The following C12orf50 variants were observed in gnomAD, a reference collection of about 807,000 sequenced individuals.
C12orf50 encodes uncharacterized protein C12orf50.
In C12orf50, 35 loss-of-function variants were observed where a neutral mutation model predicts 61.6. That is an observed-to-expected ratio of 0.57 (90% CI 0.43 to 0.75). C12orf50 has a LOEUF of 0.75. C12orf50 is among the 30% of genes least tolerant of loss of function. The probability of loss-of-function intolerance (pLI) is 0.00; values close to 1 mark genes in which losing one functional copy is unlikely to be tolerated. For missense variants in C12orf50, 475 were observed against 488.5 expected (o/e 0.97, Z 0.26); for synonymous variants, 178 against 161.5 (o/e 1.10, Z -0.77).
At chr12:87,986,093 C>A in intron 10 of C12orf50, 40 bp from the exon 11 acceptor site, 2 of 1,586,284 alleles carry the variant, frequency 1.3e-6, no homozygotes, top group East Asian at 2.2e-5. Context: ...ATAAAACAGG[C>A]TGGTTTCACA....
intron 2 of C12orf50, 138 bp downstream of exon 2, chr12:88,026,813 T>G: frequency 7.2e-7 from 1 of 1,386,118 alleles, no homozygotes; most frequent in Non-Finnish European, 9.7e-7. Flanking sequence ...CTCCATTAAG[T>G]TGAAAAAATT....
At chr12:87,993,702 C>T (rs761465355) in intron 7 of C12orf50, among the ~76,000 whole-genome samples, 2 of 152,138 alleles carry the variant, frequency 1.3e-5, no homozygotes, top group Non-Finnish European at 2.9e-5. Flanking sequence ...CTACTCTTCA[C>T]ACACATTCTT....
At chr12:88,008,864 A>G (rs560099478) in intron 3 of C12orf50, among the ~76,000 whole-genome samples, 1 of 152,284 alleles carries the variant, frequency 6.6e-6, no homozygotes, top group African/African-American at 2.4e-5. Context: ...ATCCCTAAAC[A>G]TAAAGTTTAA....
Position 88,005,911 on chromosome 12 carries a change from G to GTT in C12orf50, c.134-7722_134-7721insAA, listed in dbSNP as rs1491516748. Among the ~76,000 whole-genome samples, 18 of 110,022 alleles carry GTT rather than the reference G, an allele frequency of 1.6e-4. 1 individual carries two copies. The highest frequency in any genetic ancestry group is 6.7e-4 in the African/African-American group (17 of 25,248). 72.2% of individuals were successfully genotyped at this position (110,022 alleles called of 152,430 possible). A position where few individuals can be genotyped will look rare whatever the true frequency, so the allele number is the denominator to read the frequency against. ...AAGGACTATGTTTTTTTGTTTTTTT[G>GTT]GTTTTTTTTTTTTTTTTTTTTTTGA... On this transcript the variant is annotated intron_variant, in intron 3 of 12. Coordinates refer to ENST00000298699, the MANE Select transcript of C12orf50 (RefSeq NM_152589.3).
intron 1 of C12orf50, among the ~76,000 whole-genome samples, chr12:88,027,411 C>G (rs2032749362): frequency 6.6e-6 from 1 of 152,168 alleles, no homozygotes; most frequent in Admixed American, 6.5e-5. Context: ...AACTTAATTT[C>G]TCTTTTGGAA....
intron 11 of C12orf50, chr12:87,985,442 C>T (rs187266820): frequency 5.6e-6 from 1 of 180,094 alleles, no homozygotes; most frequent in African/African-American, 2.4e-5. Context: ...CCCAAACCAA[C>T]CCTTTCAGAA....
intron 12 of C12orf50, among the ~76,000 whole-genome samples, chr12:87,982,313 C>T (rs1405114827): frequency 6.6e-6 from 1 of 152,052 alleles, no homozygotes; most frequent in Non-Finnish European, 1.5e-5. Flanking sequence ...TCTTGCAGCA[C>T]AGTATGATTT....
chr12:87,980,289 C>G lies in C12orf50; in HGVS notation c.*42G>C. 6.3e-7 allele frequency: 1 copy of G among 1,583,276 alleles called. No individual in the cohort carries two copies. Among genetic ancestry groups the G allele is most frequent in the South Asian group, 1.1e-5 (1 of 89,526 alleles). ...TTTTTGATTGTAAATCAGATGATGT[C>G]TGGCAATTTTTTCTCATTTTTCTCT... On this transcript the variant is annotated 3_prime_UTR_variant, in exon 13 of 13. Transcript: ENST00000298699.
At chr12:88,012,007 A>G (rs1347617605) in intron 3 of C12orf50, among the ~76,000 whole-genome samples, 1 of 152,218 alleles carries the variant, frequency 6.6e-6, no homozygotes, top group African/African-American at 2.4e-5. Context: ...GGCCGTAGAG[A>G]AAATATTTGC....
intron 3 of C12orf50, among the ~76,000 whole-genome samples, chr12:88,023,519 T>G (rs1211002505): frequency 6.6e-6 from 1 of 150,480 alleles, no homozygotes; most frequent in African/African-American, 2.5e-5. Context: ...AAAAAAAAAT[T>G]TAGCCTGGCA....
rs761414634 is a variant in C12orf50 at position 87,987,857 on chromosome 12, G to A, written c.810C>T (p.Pro270=). The A allele has an allele frequency of 1.3e-6, 2 of 1,589,132 alleles. No individual in the cohort carries two copies. ...ATAGAGCTAATGTCTCACTTGAAGA[G>A]GGGTCCTCTCTGCACTTCATACTGA... ...ENISMKCRED[P]SSMNDVQPVK... is the part of the protein sequence containing the mutation. Residue 270 remains proline (P), a synonymous_variant, in exon 9 of 13, where the codon CCC becomes CCT. Coordinates refer to ENST00000298699, the MANE Select transcript of C12orf50 (RefSeq NM_152589.3).
chr12:87,991,879 T>C (rs920869417), intron 7 of C12orf50, among the ~76,000 whole-genome samples: 1 of 152,192 alleles, frequency 6.6e-6, no homozygotes, highest in Non-Finnish European at 1.5e-5. Flanking sequence ...TCAATACTCA[T>C]GGTGCTTTCA....
chr12:87,997,152 A>C (rs1241110246), intron 4 of C12orf50, among the ~76,000 whole-genome samples: 1 of 132,560 alleles, frequency 7.5e-6, no homozygotes, highest in Non-Finnish European at 1.5e-5. Context: ...CTAAAATGCA[A>C]AAGACATGGG....
At chr12:88,024,173 G>A (rs2136500559) in intron 3 of C12orf50, among the ~76,000 whole-genome samples, 1 of 152,278 alleles carries the variant, frequency 6.6e-6, no homozygotes, top group African/African-American at 2.4e-5. Context: ...CTTATATACT[G>A]CTGGTAGGAA....
rs767589367 is a variant in C12orf50 at position 87,985,904 on chromosome 12, C to T, written c.1072G>A (p.Gly358Arg). ...NAPSRSRPTHGSYNKVHANRE... is the reference protein window; with the variant it reads ...NAPSRSRPTHRSYNKVHANRE... The stretch of plus-strand genomic sequence containing the variant: ...TTAGCATGGACTTTATTGTAGGACC[C>T]ATGCGTGGGCCTGCTGCGGGAAGGT... Residue 358 changes from glycine to arginine, a missense_variant, in exon 11 of 13, where the codon GGG (glycine) becomes AGG (arginine). Physicochemically the swap from Gly to Arg is moderately radical, Grantham distance 125. Coordinates refer to ENST00000298699, the MANE Select transcript of C12orf50 (RefSeq NM_152589.3). 6.2e-7 allele frequency: 1 copy of T among 1,613,730 alleles called. No individual in the cohort carries two copies. Among genetic ancestry groups the T allele is most frequent in the South Asian group, 1.1e-5 (1 of 91,066 alleles).
chr12:88,020,066 T>C (rs1359334317), intron 3 of C12orf50, among the ~76,000 whole-genome samples: 1 of 152,086 alleles, frequency 6.6e-6, no homozygotes, highest in African/African-American at 2.4e-5. Flanking sequence ...GGAAAGACAG[T>C]TACCAGTCAC....
intron 1 of C12orf50, 100 bp from the exon 2 acceptor site, chr12:88,027,170 C>T: frequency 8.3e-7 from 1 of 1,209,342 alleles, no homozygotes; most frequent in Non-Finnish European, 1.1e-6. Context: ...GAGTAGATTA[C>T]ACTAGAATCA....
rs765062960 is a variant in C12orf50, at chr12:87,996,423, T to C, written c.432A>G (p.Ala144=). 1.9e-6 allele frequency: 3 copies of C among 1,613,534 alleles called. No individual in the cohort carries two copies. Among genetic ancestry groups the C allele is most frequent in the Non-Finnish European group, 1.7e-6 (2 of 1,179,654 alleles). The stretch of plus-strand genomic sequence containing the variant: ...CCAAAGGCTTTTCTAACTGTTTTTC[T>C]GCTGTAGGTGTCATGCTTTTTGATG... ...ILSSKSMTPT[A]EKQLEKPLEN... The change falls in exon 6 of 13, where the codon GCA becomes GCG. Residue 144 remains alanine (A), a synonymous_variant. Transcript: ENST00000298699.
chr12:88,027,861 A>G (rs1272738419), intron 1 of C12orf50: 2 of 152,012 alleles, frequency 1.3e-5, no homozygotes, highest in Non-Finnish European at 2.9e-5. Context: ...TTTATCTTTT[A>G]TCTCTCTCCT....
Sources: allele counts gnomAD v4.1 joint callset (sites outside exome capture counted in the v4.1 genomes callset), GRCh38; gene constraint gnomAD v4.1.1; transcripts MANE v1.5; gene names NCBI Gene and HGNC (gene_info 2026-07-23, HGNC 2026-07-21).